DAPK1: variants seen among roughly 807,000 people sequenced by gnomAD.
The protein encoded by DAPK1 is death associated protein kinase 1.
In DAPK1, 56 loss-of-function variants were observed where a neutral mutation model predicts 144.9. The ratio of observed to expected loss-of-function variants is 0.39; its 90% CI spans 0.31 to 0.48. The LOEUF is 0.48. Among genes scored for constraint, DAPK1 ranks in the 20% least tolerant of loss-of-function variants. The pLI, the probability that DAPK1 is intolerant of heterozygous loss-of-function variation, is 0.95. For missense variants in DAPK1, 1,454 were observed against 1,875.4 expected (o/e 0.78, Z 4.15); for synonymous variants, 690 against 749.0 (o/e 0.92, Z 1.29).
At position 87,707,032 on chromosome 9, in the gene DAPK1, G is replaced by A. The variant is rs747838735; in HGVS notation, c.3961G>A (p.Asp1321Asn). The change falls in exon 26 of 26, where the codon GAC (aspartate) becomes AAC (asparagine). Residue 1321 changes from aspartate to asparagine, a missense_variant. Physicochemically the swap from Asp to Asn is conservative, Grantham distance 23. Coordinates refer to ENST00000408954, the MANE Select transcript of DAPK1 (RefSeq NM_004938.4). The surrounding 1 kb of genome is among the most constrained non-coding windows in gnomAD (Gnocchi z 4.0). ...RKLSRLLDPP[D>N]PLGKDWCLLA... ...ACTGAGTCGCCTGCTGGACCCGCCCGACCCCCTGGGGAAGGACTGGTGCCT... is the reference window on the plus strand; with the variant it reads ...ACTGAGTCGCCTGCTGGACCCGCCCAACCCCCTGGGGAAGGACTGGTGCCT... 23 of 1,613,508 alleles carry A rather than the reference G, an allele frequency of 1.4e-5. No individual in the cohort carries two copies. Among genetic ancestry groups the A allele is most frequent in the Admixed American group, 6.7e-5 (4 of 60,008 alleles).
At chr9:87,527,093 A>G (rs1209354056) in intron 2 of DAPK1, among the ~76,000 whole-genome samples, 1 of 152,218 alleles carries the variant, frequency 6.6e-6, no homozygotes, top group Non-Finnish European at 1.5e-5. Flanking sequence ...TATTTAGCTG[A>G]TGGAAACAAA....
chr9:87,582,531 A>G (rs1377692900), intron 2 of DAPK1, among the ~76,000 whole-genome samples: 1 of 147,304 alleles, frequency 6.8e-6, no homozygotes, highest in Admixed American at 6.8e-5. Context: ...TCTCCTTACT[A>G]TGGTCACACT....
chr9:87,638,106 T>C (rs1564036412), intron 4 of DAPK1, 25 bp downstream of exon 4: 10 of 1,599,306 alleles, frequency 6.3e-6, no homozygotes, highest in Non-Finnish European at 7.7e-6. Flanking sequence ...GTAAGCCAGA[T>C]AGAAGCTTGT....
At chr9:87,569,075 C>T (rs753898338) in intron 2 of DAPK1, among the ~76,000 whole-genome samples, 3 of 152,144 alleles carry the variant, frequency 2.0e-5, no homozygotes, top group Non-Finnish European at 4.4e-5. Context: ...CATCCCTTTG[C>T]ATTAACCTCA....
At chr9:87,613,749 T>C (rs1158708978) in intron 3 of DAPK1, among the ~76,000 whole-genome samples, 3 of 152,172 alleles carry the variant, frequency 2.0e-5, no homozygotes, top group Non-Finnish European at 4.4e-5. Flanking sequence ...ATAAATGGGG[T>C]GTGTGGCACA....
chr9:87,668,925 ACT>A, intron 19 of DAPK1: 1 of 463,714 alleles, frequency 2.2e-6, no homozygotes, highest in Non-Finnish European at 3.9e-6. Context: ...TCCTTCTCCC[ACT>A]CTCTCTATAA....
At chr9:87,673,979 C>T (rs1429394786) in intron 19 of DAPK1, among the ~76,000 whole-genome samples, 1 of 152,130 alleles carries the variant, frequency 6.6e-6, no homozygotes, top group African/African-American at 2.4e-5. Context: ...TGCCTGAGGA[C>T]TGTGTTGTTG....
At position 87,643,477 on chromosome 9, in the gene DAPK1, A is replaced by C. The variant is rs1259735962; in HGVS notation, c.1011+9A>C. The C allele has an allele frequency of 6.4e-7, 1 of 1,556,376 alleles. No individual in the cohort carries two copies. Among genetic ancestry groups the C allele is most frequent in the Non-Finnish European group, 8.8e-7 (1 of 1,141,014 alleles). On this transcript the variant is annotated intron_variant, in intron 11 of 25. Coordinates refer to ENST00000408954, the MANE Select transcript of DAPK1 (RefSeq NM_004938.4). ...GAAGCGATGATACTCTGGTAAGCAA[A>C]CCCGTGAGCCCTGGTGCTCCTTTCT...
rs1048282066 is a variant in DAPK1 at position 87,498,039 on chromosome 9, C to T, written c.-177C>T. On this transcript the variant is annotated 5_prime_UTR_variant, in exon 1 of 26. Transcript: ENST00000408954. ...TCCCGCCGCCGCCCCGGCTAGTCTCCGGCGCTGGCGCCTATGGTCGGCCTC... is the reference window on the plus strand; with the variant it reads ...TCCCGCCGCCGCCCCGGCTAGTCTCTGGCGCTGGCGCCTATGGTCGGCCTC... 8.5e-5 allele frequency: 34 copies of T among 397,804 alleles called. No homozygotes were observed. The highest frequency in any genetic ancestry group is 6.4e-4 in the African/African-American group (31 of 48,616). The allele number at this position is 397,804 out of a possible 1,614,324, so 24.6% of individuals were successfully genotyped here. A position where few individuals can be genotyped will look rare whatever the true frequency, so the allele number is the denominator to read the frequency against.
intron 2 of DAPK1, among the ~76,000 whole-genome samples, chr9:87,593,005 C>G (rs1411995129): frequency 3.3e-5 from 5 of 152,186 alleles, no homozygotes; most frequent in Non-Finnish European, 5.9e-5. Flanking sequence ...GCCTAGAGCA[C>G]TGTAAAAAGG....
intron 3 of DAPK1, among the ~76,000 whole-genome samples, chr9:87,612,095 C>A (rs1828950963): frequency 6.6e-6 from 1 of 152,152 alleles, no homozygotes; most frequent in Non-Finnish European, 1.5e-5. Flanking sequence ...TCCCAGGAGC[C>A]CTTTTTTAAA....
At chr9:87,615,201 T>G (rs895991880) in intron 3 of DAPK1, among the ~76,000 whole-genome samples, 1 of 152,222 alleles carries the variant, frequency 6.6e-6, no homozygotes, top group Non-Finnish European at 1.5e-5. Flanking sequence ...CCTCCTAATT[T>G]GTATTTCCAG....
chr9:87,695,909 G>A (rs1269819269), intron 21 of DAPK1, among the ~76,000 whole-genome samples: 3 of 152,252 alleles, frequency 2.0e-5, no homozygotes, highest in Middle Eastern at 3.4e-3. Context: ...GGGACTTTGT[G>A]AGTTTGGGAA....
At chr9:87,698,248 G>A (rs939113488) in intron 22 of DAPK1, among the ~76,000 whole-genome samples, 1 of 152,052 alleles carries the variant, frequency 6.6e-6, no homozygotes, top group Non-Finnish European at 1.5e-5. Context: ...GAGGCTCTTT[G>A]TGTGACTTGC....
At chr9:87,551,907 T>C (rs1318403394) in intron 2 of DAPK1, among the ~76,000 whole-genome samples, 2 of 152,190 alleles carry the variant, frequency 1.3e-5, no homozygotes, top group African/African-American at 4.8e-5. Flanking sequence ...CTGCAGCAGA[T>C]GTGAGTCTCA....
intron 25 of DAPK1, among the ~76,000 whole-genome samples, chr9:87,705,424 G>A (rs1033271763): frequency 3.3e-5 from 5 of 151,876 alleles, no homozygotes; most frequent in Non-Finnish European, 5.9e-5. Flanking sequence ...GTTTTACCAT[G>A]TTGGCCAGGC....
intron 2 of DAPK1, among the ~76,000 whole-genome samples, chr9:87,525,800 C>G (rs1017807924): frequency 2.0e-5 from 3 of 152,216 alleles, no homozygotes; most frequent in Non-Finnish European, 2.9e-5. Flanking sequence ...TTAATTTCCC[C>G]TCCCTCTTGC....
At chr9:87,699,067 G>A (rs1334210817) in intron 23 of DAPK1, among the ~76,000 whole-genome samples, 1 of 152,188 alleles carries the variant, frequency 6.6e-6, no homozygotes, top group Admixed American at 6.5e-5. Flanking sequence ...TTCTAAATCT[G>A]AAATGCTCTA....
At chr9:87,615,868 C>T (rs1419929204) in intron 3 of DAPK1, among the ~76,000 whole-genome samples, 2 of 152,230 alleles carry the variant, frequency 1.3e-5, no homozygotes, top group African/African-American at 4.8e-5. Context: ...CAGACAGTAG[C>T]CTCTTGGAGA....
Sources: gnomAD v4.1 joint callset for allele counts (sites outside exome capture counted in the v4.1 genomes callset) on GRCh38, gnomAD v4.1.1 for gene constraint, Gnocchi (gnomAD v3.1) non-coding constraint, MANE v1.5 for transcripts, NCBI Gene and HGNC (gene_info 2026-07-23, HGNC 2026-07-21) for gene names.